SLCO1B1: variants seen among roughly 807,000 people sequenced by gnomAD.
The protein encoded by SLCO1B1 is OATP-2.
In SLCO1B1, 81 loss-of-function variants were observed where a neutral mutation model predicts 70.1. The observed-to-expected ratio is 1.16, with a 90% CI of 0.97 to 1.39. The LOEUF is 1.39. SLCO1B1 is among the 40% of genes most tolerant of loss of function. The pLI is 0.00. For missense variants in SLCO1B1, 895 were observed against 799.6 expected (o/e 1.12, Z -1.44); for synonymous variants, 283 against 271.5 (o/e 1.04, Z -0.42).
intron 7 of SLCO1B1, among the ~76,000 whole-genome samples, chr12:21,189,232 T>G (rs1434161947): frequency 1.3e-5 from 2 of 152,204 alleles, no homozygotes; most frequent in Non-Finnish European, 2.9e-5. Context: ...CTACCAGCAG[T>G]GTACCGTGTT....
At chr12:21,191,287 A>C (rs1941026506) in intron 7 of SLCO1B1, among the ~76,000 whole-genome samples, 1 of 152,018 alleles carries the variant, frequency 6.6e-6, no homozygotes, top group African/African-American at 2.4e-5. Flanking sequence ...CTTTCTAATT[A>C]TTTATGGCTT....
intron 14 of SLCO1B1, 56 bp downstream of exon 14, chr12:21,224,895 A>C: frequency 1.1e-6 from 1 of 882,086 alleles, no homozygotes; most frequent in Non-Finnish European, 1.8e-6. Context: ...TAATTCCTAA[A>C]AAATATCATT....
In SLCO1B1 at chr12:21,222,373, A is replaced by T; in HGVS notation, c.1747+9A>T. On this transcript the variant is annotated intron_variant, in intron 13 of 14. Transcript: ENST00000256958. ...GGTTATACGAGCACTAGGTATGATGAAAAAAAAAAAAAAAAAAAAAAAAAA... is the reference window on the plus strand; with the variant it reads ...GGTTATACGAGCACTAGGTATGATGTAAAAAAAAAAAAAAAAAAAAAAAAA... 1 of 169,922 alleles carries T rather than the reference A, an allele frequency of 5.9e-6. No homozygotes were observed. Among genetic ancestry groups the T allele is most frequent in the Non-Finnish European group, 8.6e-6 (1 of 115,678 alleles). 10.5% of individuals were successfully genotyped at this position (169,922 alleles called of 1,614,324 possible). A position where few individuals can be genotyped will look rare whatever the true frequency, so the allele number is the denominator to read the frequency against.
intron 5 of SLCO1B1, among the ~76,000 whole-genome samples, chr12:21,177,996 A>G (rs1940842330): frequency 6.6e-6 from 1 of 152,174 alleles, no homozygotes; most frequent in Non-Finnish European, 1.5e-5. Flanking sequence ...GAAGATATAT[A>G]AAAAAGCTTG....
intron 1 of SLCO1B1, among the ~76,000 whole-genome samples, chr12:21,135,840 A>G (rs1202016644): frequency 6.6e-6 from 1 of 152,078 alleles, no homozygotes; most frequent in African/African-American, 2.4e-5. Context: ...TTACATTTAA[A>G]GTTAATATTG....
chr12:21,133,264 G>T (rs1101251), intron 1 of SLCO1B1, among the ~76,000 whole-genome samples: 134,595 of 151,852 alleles, frequency 0.89, 60,179 homozygotes, highest in South Asian at 0.97. Flanking sequence ...AGTCAGGTAG[G>T]GTGATGCCTC....
intron 11 of SLCO1B1, among the ~76,000 whole-genome samples, chr12:21,212,946 G>A (rs917595796): frequency 2.0e-5 from 3 of 151,648 alleles, no homozygotes; most frequent in African/African-American, 4.9e-5. Flanking sequence ...TTTATTTTGA[G>A]CCTATGTGTG....
At chr12:21,212,055 C>A (rs988713683) in intron 11 of SLCO1B1, among the ~76,000 whole-genome samples, 6 of 147,972 alleles carry the variant, frequency 4.1e-5, no homozygotes, top group Non-Finnish European at 7.4e-5. Flanking sequence ...TTTTGTGTCT[C>A]TATTTCCTTC....
At chr12:21,148,218 T>A (rs1031161055) in intron 2 of SLCO1B1, among the ~76,000 whole-genome samples, 5 of 152,202 alleles carry the variant, frequency 3.3e-5, no homozygotes, top group African/African-American at 1.2e-4. Flanking sequence ...TTTAATTAGA[T>A]CCCATTTGTC....
At chr12:21,187,381 G>T (rs2121123067) in intron 7 of SLCO1B1, among the ~76,000 whole-genome samples, 1 of 152,244 alleles carries the variant, frequency 6.6e-6, no homozygotes, top group South Asian at 2.1e-4. Flanking sequence ...ACAGGAAGTA[G>T]CTTGACAGTA....
At chr12:21,216,895 G>C (rs1307588662) in intron 11 of SLCO1B1, among the ~76,000 whole-genome samples, 1 of 152,082 alleles carries the variant, frequency 6.6e-6, no homozygotes, top group Non-Finnish European at 1.5e-5. Context: ...TTAAAATTAA[G>C]AATGAACTAA....
At chr12:21,196,827 G>GA (rs368366728) in intron 7 of SLCO1B1, 119 bp from the exon 8 acceptor site, 4 of 1,062,988 alleles carry the variant, frequency 3.8e-6, no homozygotes, top group African/African-American at 1.6e-5. Context: ...AAAATTAAAA[G>GA]AAAAAAATCG....
intron 2 of SLCO1B1, among the ~76,000 whole-genome samples, chr12:21,159,848 A>G (rs1399124858): frequency 1.3e-5 from 2 of 152,130 alleles, no homozygotes; most frequent in Non-Finnish European, 2.9e-5. Flanking sequence ...CCGAGAGCCA[A>G]ATCAGGAAGG....
chr12:21,169,966 G>T (rs1940737019), intron 2 of SLCO1B1, among the ~76,000 whole-genome samples: 1 of 152,150 alleles, frequency 6.6e-6, no homozygotes, highest in Middle Eastern at 3.4e-3. Context: ...CTTTAGGCTT[G>T]TGTGTGTGAT....
intron 7 of SLCO1B1, among the ~76,000 whole-genome samples, chr12:21,192,839 T>C (rs538982637): frequency 2.0e-3 from 299 of 152,204 alleles, no homozygotes; most frequent in South Asian, 2.5e-3. Flanking sequence ...CAAATGTAGA[T>C]ATTTTTTACT....
intron 4 of SLCO1B1, among the ~76,000 whole-genome samples, chr12:21,175,928 T>G (rs1363200408): frequency 6.6e-6 from 1 of 152,142 alleles, no homozygotes; most frequent in Non-Finnish European, 1.5e-5. Flanking sequence ...TATGCCATAA[T>G]ATGTGACACT....
intron 8 of SLCO1B1, among the ~76,000 whole-genome samples, chr12:21,198,529 T>TA: frequency 6.6e-6 from 1 of 152,088 alleles, no homozygotes; most frequent in Admixed American, 6.6e-5. Flanking sequence ...AATGAAGTTG[T>TA]AAAAATAGGA....
At position 21,178,590 on chromosome 12, in the gene SLCO1B1, T is replaced by C. The variant is rs751041337; in HGVS notation, c.496T>C (p.Ser166Pro). ...EIVGKGCLKESGSYMWIYVFM... is the reference protein window; with the variant it reads ...EIVGKGCLKEPGSYMWIYVFM... ...TATCTACATAGGTTGTTTAAAGGAA[T>C]CTGGGTCATACATGTGGATATATGT... The change falls in exon 6 of 15, where the codon TCT (serine) becomes CCT (proline). Residue 166 changes from serine to proline, a missense_variant. Physicochemically the swap from Ser to Pro is moderately conservative, Grantham distance 74. Transcript: ENST00000256958. 1 of 1,607,108 alleles carries C rather than the reference T, an allele frequency of 6.2e-7. No individual in the cohort carries two copies. The highest frequency in any genetic ancestry group is 8.5e-7 in the Non-Finnish European group (1 of 1,173,828).
intron 2 of SLCO1B1, among the ~76,000 whole-genome samples, 193 bp from the exon 3 acceptor site, chr12:21,172,457 T>A (rs1940767442): frequency 6.6e-6 from 1 of 152,222 alleles, no homozygotes. Flanking sequence ...AAATGATGCT[T>A]TATCAGTGTA....
Sources: gnomAD v4.1 joint callset for allele counts (sites outside exome capture counted in the v4.1 genomes callset) on GRCh38, gnomAD v4.1.1 for gene constraint, MANE v1.5 for transcripts, NCBI Gene and HGNC (gene_info 2026-07-23, HGNC 2026-07-21) for gene names.